Variants in UGT2B10 observed in about 807,000 individuals in gnomAD.
UGT2B10 encodes UDP glucuronosyltransferase family 2 member B10.
In UGT2B10, 51 loss-of-function variants were observed where a neutral mutation model predicts 43.7. The observed-to-expected ratio is 1.17, with a 90% CI of 0.93 to 1.47. The LOEUF (loss-of-function observed/expected upper bound fraction) is 1.47, where lower values mean the gene tolerates loss of function less well. Among genes scored for constraint, UGT2B10 ranks in the 40% most tolerant of loss-of-function variants. The pLI is 0.00. For missense variants in UGT2B10, 696 were observed against 617.7 expected, an observed-to-expected ratio of 1.13 and a Z score of -1.34; for synonymous variants, 225 against 209.0, an observed-to-expected ratio of 1.08 and a Z score of -0.66.
In UGT2B10 at chr4:68,828,870, G is replaced by C. The variant is rs182438250; in HGVS notation, c.1307+1322G>C. 7.8e-4 allele frequency among the ~76,000 whole-genome samples: 118 copies of C among 152,056 alleles called. 1 individual carries two copies. In the East Asian group the frequency reaches 0.022, roughly 28 times the overall value. ...AATATCATAAAGACTATATGATCCA[G>C]CCATAGTGGAAGTAAGGGAGGTTAT... On this transcript the variant is annotated intron_variant, in intron 5 of 5. Coordinates refer to ENST00000265403, the MANE Select transcript of UGT2B10 (RefSeq NM_001075.6).
chr4:68,827,493 A>G lies in UGT2B10; in HGVS notation c.1252A>G (p.Thr418Ala), dbSNP rs2109701768. 6.2e-7 allele frequency: 1 copy of G among 1,613,466 alleles called. No homozygotes were observed. The highest frequency in any genetic ancestry group is 2.2e-5 in the East Asian group (1 of 44,828). ...AGCAGCTGTTAGAGTGGACTTCAAC[A>G]CAATGTCGAGTACAGACCTGCTGAA... Reference protein sequence around the residue: ...KGAAVRVDFNTMSSTDLLNAL... With the variant: ...KGAAVRVDFNAMSSTDLLNAL... The change falls in exon 5 of 6, where the codon ACA becomes GCA. Residue 418 changes from threonine (T) to alanine (A), a missense_variant. Transcript: ENST00000265403.
chr4:68,826,530 A>G (rs758436399), intron 4 of UGT2B10, 33 bp downstream of exon 4: 5 of 1,591,510 alleles, frequency 3.1e-6, no homozygotes, highest in Non-Finnish European at 4.3e-6. Context: ...TGGATATATT[A>G]GTAACTGCAC....
chr4:68,821,508 C>A (rs1458025204), intron 2 of UGT2B10, among the ~76,000 whole-genome samples: 8 of 152,124 alleles, frequency 5.3e-5, no homozygotes, highest in Non-Finnish European at 1.5e-5. Context: ...CGTGCTCCAC[C>A]TAAACAATAA....
intron 2 of UGT2B10, among the ~76,000 whole-genome samples, chr4:68,821,407 T>G (rs1328531317): frequency 6.6e-6 from 1 of 152,150 alleles, no homozygotes; most frequent in East Asian, 1.9e-4. Flanking sequence ...GTGCAAGTGC[T>G]GCCTCTGAGA....
chr4:68,821,958 A>G (rs202151341), intron 2 of UGT2B10, among the ~76,000 whole-genome samples: 1 of 151,830 alleles, frequency 6.6e-6, no homozygotes, highest in African/African-American at 2.4e-5. Flanking sequence ...ATAAGTGAAG[A>G]GTCTGGGTAT....
intron 2 of UGT2B10, among the ~76,000 whole-genome samples, chr4:68,821,030 CA>C (rs1273269156): frequency 6.6e-6 from 1 of 152,052 alleles, no homozygotes; most frequent in African/African-American, 2.4e-5. Context: ...CAGGTAACTG[CA>C]ATCACACACA....
intron 5 of UGT2B10, among the ~76,000 whole-genome samples, chr4:68,828,931 A>C (rs866478545): frequency 3.9e-5 from 6 of 152,064 alleles, no homozygotes; most frequent in South Asian, 2.1e-4. Context: ...AATTTTGGAA[A>C]TTAACAAAAT....
intron 5 of UGT2B10, among the ~76,000 whole-genome samples, chr4:68,828,227 AG>A (rs1737899617): frequency 6.6e-6 from 1 of 152,028 alleles, no homozygotes; most frequent in Non-Finnish European, 1.5e-5. Flanking sequence ...CATACAGTCT[AG>A]GGTACTGTGT....
At chr4:68,821,740 G>A (rs115629339) in intron 2 of UGT2B10, among the ~76,000 whole-genome samples, 1,835 of 152,172 alleles carry the variant, frequency 0.012, 28 homozygotes, top group African/African-American at 0.042. Flanking sequence ...GTAGAGTAAC[G>A]TAAATGTAGA....
At chr4:68,828,539 G>T (rs1737918668) in intron 5 of UGT2B10, among the ~76,000 whole-genome samples, 1 of 151,744 alleles carries the variant, frequency 6.6e-6, no homozygotes, top group South Asian at 2.1e-4. Context: ...AAATAGAAAA[G>T]AAATATAAAA....
intron 5 of UGT2B10, among the ~76,000 whole-genome samples, chr4:68,829,719 T>C (rs998716432): frequency 3.9e-5 from 6 of 151,910 alleles, no homozygotes; most frequent in African/African-American, 1.4e-4. Context: ...AGGGATAAAA[T>C]GTGTAAAGTG....
intron 2 of UGT2B10, among the ~76,000 whole-genome samples, chr4:68,821,953 T>C (rs1402424820): frequency 2.1e-5 from 2 of 93,956 alleles, no homozygotes; most frequent in Non-Finnish European, 6.8e-5. Flanking sequence ...GTATTATAAG[T>C]GAAGAGTCTG....
rs992069296 is a variant in UGT2B10, at chr4:68,830,696, C to T, written c.1404C>T (p.Arg468=). ...RAVFWIEFVM[R]HKGAKHLRVA... ...TCTTCTGGATTGAATTTGTCATGCGCCACAAAGGAGCCAAACATCTTCGAG... is the reference window on the plus strand; with the variant it reads ...TCTTCTGGATTGAATTTGTCATGCGTCACAAAGGAGCCAAACATCTTCGAG... Residue 468 remains arginine, a synonymous_variant, in exon 6 of 6, where the codon CGC becomes CGT. Coordinates refer to ENST00000265403, the MANE Select transcript of UGT2B10 (RefSeq NM_001075.6). 3 of 1,613,382 alleles carry T rather than the reference C, an allele frequency of 1.9e-6. No individual in the cohort carries two copies. The highest frequency in any genetic ancestry group is 2.5e-6 in the Non-Finnish European group (3 of 1,179,500).
At chr4:68,822,459 G>C in intron 3 of UGT2B10, 57 bp downstream of exon 3, 1 of 1,607,510 alleles carries the variant, frequency 6.2e-7, no homozygotes, top group Non-Finnish European at 8.5e-7. Context: ...GTTAAAGTTT[G>C]TGATCTACAT....
intron 3 of UGT2B10, among the ~76,000 whole-genome samples, chr4:68,824,531 T>C (rs1288037608): frequency 4.6e-5 from 7 of 152,216 alleles, no homozygotes; most frequent in African/African-American, 1.7e-4. Flanking sequence ...TTCTTCTATA[T>C]AGAATAAACC....
chr4:68,820,910 T>G (rs760863987), intron 2 of UGT2B10, among the ~76,000 whole-genome samples: 26 of 152,244 alleles, frequency 1.7e-4, no homozygotes, highest in Non-Finnish European at 3.4e-4. Flanking sequence ...ATATCAGTGA[T>G]GAATCTCTAC....
At chr4:68,830,323 A>G (rs1738024018) in intron 5 of UGT2B10, among the ~76,000 whole-genome samples, 1 of 152,078 alleles carries the variant, frequency 6.6e-6, no homozygotes, top group Non-Finnish European at 1.5e-5. Flanking sequence ...TTAAAAAATT[A>G]AAAACAAATT....
At chr4:68,824,304 C>G (rs13131461) in intron 3 of UGT2B10, among the ~76,000 whole-genome samples, 2 of 152,172 alleles carry the variant, frequency 1.3e-5, no homozygotes, top group Non-Finnish European at 2.9e-5. Context: ...CTGAAGCAGG[C>G]AGGTGAAAAG....
rs1431140253 is a variant in UGT2B10, at chr4:68,830,623, T to C, written c.1331T>C (p.Leu444Ser). ...AGATATAAAGAGAATATTATGAAAT[T>C]ATCAAGAATTCAACATGATCAACCA... The part of the protein sequence containing the change: ...DPSYKENIMK[L>S]SRIQHDQPVK... The change falls in exon 6 of 6, where the codon TTA (leucine) becomes TCA (serine). Residue 444 changes from leucine to serine, a missense_variant. Leu to Ser is a moderately radical substitution (Grantham distance 145). Coordinates refer to ENST00000265403, the MANE Select transcript of UGT2B10 (RefSeq NM_001075.6). 1.2e-6 allele frequency: 2 copies of C among 1,612,510 alleles called. No homozygotes were observed. The highest frequency in any genetic ancestry group is 8.5e-7 in the Non-Finnish European group (1 of 1,179,198).
Sources: gnomAD v4.1 joint callset for allele counts (sites outside exome capture counted in the v4.1 genomes callset) on GRCh38, gnomAD v4.1.1 for gene constraint, MANE v1.5 for transcripts, NCBI Gene and HGNC (gene_info 2026-07-23, HGNC 2026-07-21) for gene names.